Variants in CEMIP observed in about 807,000 individuals in gnomAD.
CEMIP encodes the protein cell migration inducing hyaluronidase 1.
Under a neutral mutation model 156.9 loss-of-function variants are expected in CEMIP, and 105 were observed. The observed-to-expected ratio is 0.67, with a 90% CI of 0.57 to 0.79. The LOEUF (loss-of-function observed/expected upper bound fraction) is 0.79. CEMIP is among the 30% of genes least tolerant of loss of function. CEMIP has a pLI of 0.00. For synonymous variants in CEMIP, 676 were observed against 668.4 expected, an observed-to-expected ratio of 1.01 and a Z score of -0.17; for missense variants, 1,457 against 1,769.4, an observed-to-expected ratio of 0.82 and a Z score of 3.17.
intron 10 of CEMIP, among the ~76,000 whole-genome samples, chr15:80,890,408 C>T (rs1281758048): frequency 6.7e-6 from 1 of 149,126 alleles, no homozygotes; most frequent in Admixed American, 6.7e-5. Flanking sequence ...GTGAAACCCC[C>T]TCTCGACTAA....
chr15:80,842,486 C>T (rs941619602), intron 1 of CEMIP, among the ~76,000 whole-genome samples: 11 of 152,112 alleles, frequency 7.2e-5, no homozygotes, highest in African/African-American at 2.4e-4. Flanking sequence ...ACTCCCAGAA[C>T]TTTGGGAGGC....
intron 1 of CEMIP, among the ~76,000 whole-genome samples, chr15:80,788,193 G>A (rs908553699): frequency 6.6e-6 from 1 of 151,994 alleles, no homozygotes; most frequent in Non-Finnish European, 1.5e-5. Context: ...TTTTAAGGCC[G>A]GGTGAGGTGG....
intron 1 of CEMIP, among the ~76,000 whole-genome samples, chr15:80,799,565 C>A (rs995107844): frequency 6.6e-6 from 1 of 152,226 alleles, no homozygotes; most frequent in Non-Finnish European, 1.5e-5. Flanking sequence ...TGTTACTGAG[C>A]ATCTGCCCAA....
chr15:80,858,243 G>A (rs1049845950), intron 1 of CEMIP, among the ~76,000 whole-genome samples: 7 of 152,126 alleles, frequency 4.6e-5, no homozygotes, highest in Non-Finnish European at 5.9e-5. Flanking sequence ...TGAAATAGTC[G>A]TCAACCTTAG....
intron 1 of CEMIP, among the ~76,000 whole-genome samples, chr15:80,808,036 A>G (rs922427913): frequency 1.3e-5 from 2 of 152,198 alleles, no homozygotes; most frequent in East Asian, 3.9e-4. Flanking sequence ...CATTCTGAAT[A>G]TAATACTTAA....
intron 25 of CEMIP, among the ~76,000 whole-genome samples, chr15:80,941,448 G>A (rs1901332740): frequency 6.6e-6 from 1 of 152,116 alleles, no homozygotes; most frequent in Non-Finnish European, 1.5e-5. Flanking sequence ...TGCTGGGATG[G>A]AAAATGCTGG....
At chr15:80,798,471 A>G (rs1189202994) in intron 1 of CEMIP, among the ~76,000 whole-genome samples, 1 of 152,150 alleles carries the variant, frequency 6.6e-6, no homozygotes, top group Non-Finnish European at 1.5e-5. Context: ...GCCTCCAAAG[A>G]TTTATTCAAA....
chr15:80,946,510 C>T (rs781416172), intron 28 of CEMIP: 2 of 184,784 alleles, frequency 1.1e-5, no homozygotes, highest in Non-Finnish European at 2.3e-5. Flanking sequence ...CCTCCGCCTT[C>T]CCGCACCTCC....
At chr15:80,919,426 G>A (rs1333574502) in intron 14 of CEMIP, among the ~76,000 whole-genome samples, 2 of 152,124 alleles carry the variant, frequency 1.3e-5, no homozygotes, top group East Asian at 3.9e-4. Context: ...GCCTCCTCTT[G>A]GATTCACCTT....
At chr15:80,830,204 C>T (rs1471182734) in intron 1 of CEMIP, among the ~76,000 whole-genome samples, 1 of 152,172 alleles carries the variant, frequency 6.6e-6, no homozygotes, top group East Asian at 1.9e-4. Context: ...CTTTGTTCAA[C>T]CCTCCTATTG....
chr15:80,847,532 C>T (rs1250323695), intron 1 of CEMIP, among the ~76,000 whole-genome samples: 1 of 152,206 alleles, frequency 6.6e-6, no homozygotes, highest in Non-Finnish European at 1.5e-5. Context: ...GATCCAGTCC[C>T]TTCACTGCTA....
Position 80,949,210 on chromosome 15 carries a change from G to A in CEMIP, c.*286G>A. The A allele has an allele frequency of 2.2e-6, 1 of 462,596 alleles. No individual in the cohort carries two copies. Among genetic ancestry groups the A allele is most frequent in the South Asian group, 2.0e-5 (1 of 49,170 alleles). The allele number at this position is 462,596 out of a possible 1,614,324, so 28.7% of individuals were successfully genotyped here. A position where few individuals can be genotyped will look rare whatever the true frequency, so the allele number is the denominator to read the frequency against. On this transcript the variant is annotated 3_prime_UTR_variant, in exon 30 of 30. Transcript: ENST00000394685. The stretch of plus-strand genomic sequence containing the variant: ...CTCTCCTATCTGTGCCTCTTCAGTG[G>A]GGGTTTGGGGACCATATCAGGAGAC...
chr15:80,855,297 A>G (rs942579119), intron 1 of CEMIP, among the ~76,000 whole-genome samples: 4 of 152,198 alleles, frequency 2.6e-5, no homozygotes, highest in Admixed American at 6.5e-5. Context: ...TGTTTGAGGA[A>G]GGTCCTGTTG....
chr15:80,928,828 T>A, intron 19 of CEMIP, 74 bp from the exon 20 acceptor site: 1 of 1,580,938 alleles, frequency 6.3e-7, no homozygotes, highest in South Asian at 1.1e-5. Context: ...GGCAGGGAAG[T>A]GTCCTTCTCT....
intron 17 of CEMIP, among the ~76,000 whole-genome samples, chr15:80,924,103 G>A (rs918442706): frequency 1.3e-5 from 2 of 152,194 alleles, no homozygotes; most frequent in Admixed American, 1.3e-4. Context: ...TCCCATGGCT[G>A]ACAAAGTGGA....
intron 1 of CEMIP, among the ~76,000 whole-genome samples, chr15:80,789,970 G>T (rs1266815515): frequency 6.6e-6 from 1 of 152,132 alleles, no homozygotes; most frequent in East Asian, 1.9e-4. Context: ...AGCTCAGGGG[G>T]AACGAGGGGC....
At chr15:80,831,087 GCCTTCCAACCTA>G (rs1897146322) in intron 1 of CEMIP, among the ~76,000 whole-genome samples, 1 of 152,172 alleles carries the variant, frequency 6.6e-6, no homozygotes, top group African/African-American at 2.4e-5. Flanking sequence ...CCTTGGTCTA[GCCTTCCAACCTA>G]CCTTCCAACC....
intron 1 of CEMIP, among the ~76,000 whole-genome samples, chr15:80,792,158 G>A (rs1463032926): frequency 1.3e-5 from 2 of 152,134 alleles, no homozygotes; most frequent in Admixed American, 6.5e-5. Context: ...ACAAAGGCTG[G>A]GTTCTTCCAT....
intron 14 of CEMIP, among the ~76,000 whole-genome samples, chr15:80,909,933 A>T (rs867264423): frequency 1.3e-5 from 2 of 152,312 alleles, no homozygotes; most frequent in Middle Eastern, 3.4e-3. Flanking sequence ...TAGCAACCAG[A>T]TATGTTTTGT....
Sources: gnomAD v4.1 joint callset for allele counts (sites outside exome capture counted in the v4.1 genomes callset) on GRCh38, gnomAD v4.1.1 for gene constraint, MANE v1.5 for transcripts, NCBI Gene and HGNC (gene_info 2026-07-23, HGNC 2026-07-21) for gene names.